The following KAT6A variants were observed in gnomAD, a reference collection of about 807,000 sequenced individuals.
KAT6A encodes the protein lysine acetyltransferase 6A.
Under a neutral mutation model 198.4 loss-of-function variants are expected in KAT6A, and 9 were observed. The observed-to-expected ratio is 0.05, with a 90% CI of 0.03 to 0.08. The LOEUF (loss-of-function observed/expected upper bound fraction) is 0.08, where lower values mean the gene tolerates loss of function less well. KAT6A is among the 10% of genes least tolerant of loss of function. KAT6A has a pLI of 1.00. For missense variants in KAT6A, 2,077 were observed against 2,509.9 expected (o/e 0.83, Z 3.69); for synonymous variants, 890 against 883.0 (o/e 1.01, Z -0.14).
chr8:41,952,527 C>G (rs1587734368), intron 9 of KAT6A, among the ~76,000 whole-genome samples: 1 of 152,164 alleles, frequency 6.6e-6, no homozygotes, highest in South Asian at 2.1e-4. Flanking sequence ...TACAAGATTA[C>G]TTAATAGGCA....
chr8:42,029,334 A>G (rs886503786), intron 2 of KAT6A, among the ~76,000 whole-genome samples: 2 of 152,136 alleles, frequency 1.3e-5, no homozygotes, highest in Non-Finnish European at 2.9e-5. Flanking sequence ...TAAGATTCGA[A>G]AACTTTTCAG....
rs576145419 is a variant in KAT6A, at chr8:42,025,245, CTT to C, written c.600+23131_600+23132del. On this transcript the variant is annotated intron_variant, in intron 2 of 16. Transcript: ENST00000265713. ...TTTGTTTTTGAGATGGAGTTTCCCT[CTT>C]GTTGCCCAGGCTGGAGTGCAGTGGC... 2.3e-3 allele frequency among the ~76,000 whole-genome samples: 347 copies of C among 151,878 alleles called. 1 individual carries two copies. The highest frequency in any genetic ancestry group is 8.1e-3 in the African/African-American group (336 of 41,392).
chr8:41,940,717 A>C, intron 15 of KAT6A, 125 bp downstream of exon 15: 1 of 1,163,064 alleles, frequency 8.6e-7, no homozygotes, highest in Admixed American at 2.3e-5. Context: ...ACAGAGGCTT[A>C]AGGTTTATAA....
At chr8:41,961,494 C>T (rs1222867604) in intron 8 of KAT6A, among the ~76,000 whole-genome samples, 1 of 152,132 alleles carries the variant, frequency 6.6e-6, no homozygotes, top group Non-Finnish European at 1.5e-5. Context: ...GTGGCTCACC[C>T]CTGTAATCCT....
intron 2 of KAT6A, among the ~76,000 whole-genome samples, chr8:42,042,385 G>C (rs1450033467): frequency 1.3e-5 from 2 of 151,272 alleles, no homozygotes; most frequent in African/African-American, 4.9e-5. Flanking sequence ...TTGAACCCAG[G>C]AGGTGGAGGT....
intron 2 of KAT6A, among the ~76,000 whole-genome samples, chr8:41,999,656 A>G (rs984735608): frequency 1.3e-5 from 2 of 152,088 alleles, no homozygotes; most frequent in Non-Finnish European, 2.9e-5. Flanking sequence ...TTCTCACTCT[A>G]TCTTCCTCTA....
chr8:42,020,445 T>C (rs1488699341), intron 2 of KAT6A, among the ~76,000 whole-genome samples: 1 of 152,184 alleles, frequency 6.6e-6, no homozygotes, highest in African/African-American at 2.4e-5. Flanking sequence ...GTGCTTAAGA[T>C]TATCAGCTCC....
In KAT6A at chr8:42,019,718, G is replaced by A. The variant is rs181324637; in HGVS notation, c.600+28660C>T. On this transcript the variant is annotated intron_variant, in intron 2 of 16. Transcript: ENST00000265713. ...CCTCTTCTGGTCTGGGGATTACACA[G>A]TTTTCAATATTGTCCAGAAAAAGCA... 2.0e-3 allele frequency among the ~76,000 whole-genome samples: 305 copies of A among 152,246 alleles called. 5 individuals are homozygous for A. The highest frequency in any genetic ancestry group is 3.5e-3 in the Non-Finnish European group (240 of 68,018).
chr8:42,030,436 T>C (rs1389105682), intron 2 of KAT6A, among the ~76,000 whole-genome samples: 1 of 152,216 alleles, frequency 6.6e-6, no homozygotes, highest in Non-Finnish European at 1.5e-5. Context: ...AAATGCTGCA[T>C]TCAAAATGTG....
chr8:41,961,775 T>G (rs1048087876), intron 8 of KAT6A, among the ~76,000 whole-genome samples: 2 of 139,454 alleles, frequency 1.4e-5, no homozygotes, highest in Non-Finnish European at 3.1e-5. Context: ...AAAAAAAAAG[T>G]ATCTTCTTTA....
At chr8:42,011,716 G>C (rs1055116190) in intron 2 of KAT6A, among the ~76,000 whole-genome samples, 5 of 151,702 alleles carry the variant, frequency 3.3e-5, no homozygotes, top group African/African-American at 9.7e-5. Context: ...CTCCAGCCTG[G>C]GCAACAAGAG....
At chr8:42,018,785 G>T (rs1401334458) in intron 2 of KAT6A, among the ~76,000 whole-genome samples, 1 of 152,064 alleles carries the variant, frequency 6.6e-6, no homozygotes, top group African/African-American at 2.4e-5. Context: ...AGCTGGGCGT[G>T]GTGGCCACCC....
At chr8:42,036,589 G>A (rs1052660588) in intron 2 of KAT6A, among the ~76,000 whole-genome samples, 4 of 152,086 alleles carry the variant, frequency 2.6e-5, no homozygotes, top group African/African-American at 9.7e-5. Flanking sequence ...CTCCAGCCTG[G>A]GTGACAGAGC....
At chr8:42,046,509 T>C (rs6995064) in intron 2 of KAT6A, among the ~76,000 whole-genome samples, 105,394 of 152,136 alleles carry the variant, frequency 0.69, 37,163 homozygotes, top group African/African-American at 0.84. Context: ...CCAGCCTGGG[T>C]GACAGAACGA....
chr8:42,041,878 C>G (rs147351462), intron 2 of KAT6A, among the ~76,000 whole-genome samples: 219 of 152,238 alleles, frequency 1.4e-3, no homozygotes, highest in African/African-American at 5.2e-3. Context: ...TATCTTTTGC[C>G]TTCAGAAGAT....
intron 13 of KAT6A, 140 bp downstream of exon 13, chr8:41,943,608 G>A: frequency 1.6e-6 from 1 of 628,162 alleles, no homozygotes; most frequent in Non-Finnish European, 2.8e-6. Context: ...AAATATCCTA[G>A]AAAGGAAAAT....
At chr8:42,014,007 A>C (rs1826145985) in intron 2 of KAT6A, among the ~76,000 whole-genome samples, 1 of 152,218 alleles carries the variant, frequency 6.6e-6, no homozygotes, top group Non-Finnish European at 1.5e-5. Context: ...AAACGAAAAC[A>C]AGTGTGGCTG....
At chr8:41,984,295 G>A (rs1057073669) in intron 3 of KAT6A, among the ~76,000 whole-genome samples, 3 of 152,158 alleles carry the variant, frequency 2.0e-5, no homozygotes, top group Non-Finnish European at 4.4e-5. Flanking sequence ...AAAACACACT[G>A]CAGATTCCAC....
intron 8 of KAT6A, among the ~76,000 whole-genome samples, chr8:41,962,975 C>T (rs1372178253): frequency 1.3e-5 from 2 of 152,126 alleles, no homozygotes; most frequent in Admixed American, 6.5e-5. Context: ...AGACAGTCCC[C>T]ACCTGACCAA....
Sources: gnomAD v4.1 joint callset for allele counts (sites outside exome capture counted in the v4.1 genomes callset) on GRCh38, gnomAD v4.1.1 for gene constraint, MANE v1.5 for transcripts, NCBI Gene and HGNC (gene_info 2026-07-23, HGNC 2026-07-21) for gene names.